Variants in ADARB2 observed in about 807,000 individuals in gnomAD.
ADARB2 encodes the protein adenosine deaminase RNA specific B2 (inactive).
Under a neutral mutation model 62.2 loss-of-function variants are expected in ADARB2, and 25 were observed. That is an observed-to-expected ratio of 0.40 (90% CI 0.29 to 0.56). ADARB2 has a LOEUF of 0.56. Among genes scored for constraint, ADARB2 ranks in the 20% least tolerant of loss-of-function variants. The pLI, the probability that ADARB2 is intolerant of heterozygous loss-of-function variation, is 0.43. For synonymous variants in ADARB2, 572 were observed against 500.8 expected (o/e 1.14, Z -1.90); for missense variants, 1,071 against 1,077.4 (o/e 0.99, Z 0.08).
intron 4 of ADARB2, among the ~76,000 whole-genome samples, chr10:1,258,583 T>C (rs1198036651): frequency 6.6e-6 from 1 of 152,174 alleles, no homozygotes; most frequent in East Asian, 1.9e-4. Flanking sequence ...AGGGATCAAT[T>C]CAACAAGAAG....
At chr10:1,463,070 C>A (rs1195878906) in intron 1 of ADARB2, among the ~76,000 whole-genome samples, 3 of 152,094 alleles carry the variant, frequency 2.0e-5, no homozygotes, top group African/African-American at 7.2e-5. Context: ...TTTAGGGATG[C>A]CTAAGTGAGC....
intron 1 of ADARB2, among the ~76,000 whole-genome samples, chr10:1,485,992 ATC>A (rs912448574): frequency 6.6e-6 from 1 of 152,174 alleles, no homozygotes; most frequent in Non-Finnish European, 1.5e-5. Context: ...GGGAATTAAA[ATC>A]TATTTCAGCT....
intron 1 of ADARB2, among the ~76,000 whole-genome samples, chr10:1,382,926 C>A (rs564503951): frequency 6.6e-6 from 1 of 152,344 alleles, no homozygotes; most frequent in South Asian, 2.1e-4. Flanking sequence ...GGGCTCCCAT[C>A]ATCGAATATG....
At chr10:1,635,326 G>A (rs778115067) in intron 1 of ADARB2, among the ~76,000 whole-genome samples, 5 of 152,232 alleles carry the variant, frequency 3.3e-5, no homozygotes, top group Non-Finnish European at 7.3e-5. Flanking sequence ...TGGGCCTGGA[G>A]TGGTGAACTC....
chr10:1,641,606 T>A (rs1007152388), intron 1 of ADARB2, among the ~76,000 whole-genome samples: 1 of 152,194 alleles, frequency 6.6e-6, no homozygotes, highest in East Asian at 1.9e-4. Context: ...GCTGCGAGAG[T>A]GTGGCTGGGA....
intron 8 of ADARB2, among the ~76,000 whole-genome samples, chr10:1,190,834 T>C (rs952766757): frequency 3.3e-5 from 5 of 152,234 alleles, no homozygotes; most frequent in Non-Finnish European, 5.9e-5. Flanking sequence ...GACCCCTTTT[T>C]TCAGACAAGG....
At chr10:1,586,799 T>C (rs930436037) in intron 1 of ADARB2, among the ~76,000 whole-genome samples, 1 of 152,230 alleles carries the variant, frequency 6.6e-6, no homozygotes, top group African/African-American at 2.4e-5. Flanking sequence ...GTGATTTCTA[T>C]TCAGGACGTA....
chr10:1,388,906 T>C (rs1226598260), intron 1 of ADARB2, among the ~76,000 whole-genome samples: 1 of 152,194 alleles, frequency 6.6e-6, no homozygotes. Context: ...GAAACAATAT[T>C]GATACTGCAG....
chr10:1,556,728 A>G (rs1310699310), intron 1 of ADARB2: 2 of 534,458 alleles, frequency 3.7e-6, no homozygotes, highest in South Asian at 2.8e-5. Context: ...TGCCCATGTC[A>G]ACAGAGTTGT....
intron 1 of ADARB2, among the ~76,000 whole-genome samples, chr10:1,616,053 G>A (rs1184501188): frequency 2.0e-5 from 3 of 152,242 alleles, no homozygotes; most frequent in African/African-American, 7.2e-5. Context: ...AATGCTGGTG[G>A]CAGGGGGAGG....
In ADARB2 at chr10:1,184,971, T is replaced by C; in HGVS notation, c.1933A>G (p.Ser645Gly). The C allele has an allele frequency of 1.2e-6, 2 of 1,613,830 alleles. No homozygotes were observed. The highest frequency in any genetic ancestry group is 8.5e-7 in the Non-Finnish European group (1 of 1,180,016). Residue 645 changes from serine (S) to glycine (G), a missense_variant, in exon 9 of 10, where the codon AGC becomes GGC. Coordinates refer to ENST00000381312, the MANE Select transcript of ADARB2 (RefSeq NM_018702.4). The part of the protein sequence containing the change: ...PPFSMNWVVG[S>G]ADLEIINATT... ...GCGTTGATAATCTCCAGGTCCGCGCTGCCCACGACCCAGTTCATGCTGAAG... is the reference window on the plus strand; with the variant it reads ...GCGTTGATAATCTCCAGGTCCGCGCCGCCCACGACCCAGTTCATGCTGAAG...
intron 3 of ADARB2, among the ~76,000 whole-genome samples, chr10:1,327,156 G>A (rs1247010719): frequency 1.7e-5 from 1 of 58,454 alleles, no homozygotes. Context: ...ACAGTGCCTC[G>A]TCACAGTTTA....
intron 1 of ADARB2, among the ~76,000 whole-genome samples, chr10:1,565,391 C>T (rs1832847326): frequency 6.6e-6 from 1 of 152,154 alleles, no homozygotes; most frequent in African/African-American, 2.4e-5. Flanking sequence ...TAATGTTATG[C>T]CTCCCCTCCC....
chr10:1,365,663 T>C (rs553171945), intron 2 of ADARB2, among the ~76,000 whole-genome samples: 4 of 152,120 alleles, frequency 2.6e-5, no homozygotes, highest in African/African-American at 4.8e-5. Context: ...CATAGGTCGG[T>C]GGTCAGGAGC....
At chr10:1,505,596 C>T (rs1015860015) in intron 1 of ADARB2, among the ~76,000 whole-genome samples, 7 of 152,174 alleles carry the variant, frequency 4.6e-5, no homozygotes, top group African/African-American at 1.7e-4. Flanking sequence ...CATGCCCCAG[C>T]CAGGCGCGTC....
intron 1 of ADARB2, among the ~76,000 whole-genome samples, chr10:1,547,597 T>C (rs1832543051): frequency 1.4e-5 from 1 of 73,034 alleles, no homozygotes; most frequent in Non-Finnish European, 2.8e-5. Flanking sequence ...TGCAAGTCTA[T>C]GCACTGTGTT....
intron 1 of ADARB2, among the ~76,000 whole-genome samples, chr10:1,529,571 T>C (rs1832194466): frequency 6.6e-6 from 1 of 152,126 alleles, no homozygotes. Context: ...TGTGACCCCT[T>C]CCATAGTTTT....
intron 1 of ADARB2, among the ~76,000 whole-genome samples, chr10:1,588,903 C>T (rs955192367): frequency 2.0e-5 from 3 of 152,168 alleles, no homozygotes; most frequent in Non-Finnish European, 4.4e-5. Flanking sequence ...CGGCTTGAGG[C>T]CTGGCTGGCT....
At chr10:1,714,930 C>T (rs1400370072) in intron 1 of ADARB2, among the ~76,000 whole-genome samples, 1 of 152,058 alleles carries the variant, frequency 6.6e-6, no homozygotes, top group East Asian at 1.9e-4. Context: ...TATACATGTG[C>T]CATGTTGGTG....
Sources: gnomAD v4.1 joint callset for allele counts (sites outside exome capture counted in the v4.1 genomes callset) on GRCh38, gnomAD v4.1.1 for gene constraint, MANE v1.5 for transcripts, NCBI Gene and HGNC (gene_info 2026-07-23, HGNC 2026-07-21) for gene names.